The following PDLIM4 variants were observed in gnomAD, a reference collection of about 807,000 sequenced individuals.
PDLIM4 encodes the protein PDZ and LIM domain 4, also known as PDZ and LIM domain protein 4.
Under a neutral mutation model 31.3 loss-of-function variants are expected in PDLIM4, and 19 were observed. That is an observed-to-expected ratio of 0.61 (90% confidence interval 0.42 to 0.89). PDLIM4 has a LOEUF of 0.89. PDLIM4 is among the 40% of genes least tolerant of loss of function. The pLI is 0.00. For missense variants in PDLIM4, 442 were observed against 461.1 expected (o/e 0.96, Z 0.38); for synonymous variants, 176 against 190.1 (o/e 0.93, Z 0.61).
chr5:132,270,587 G>T, intron 3 of PDLIM4: 1 of 391,954 alleles, frequency 2.6e-6, no homozygotes, highest in Non-Finnish European at 4.7e-6. Context: ...TCTTGGGATA[G>T]GCCTGCCCCA....
Position 132,272,453 on chromosome 5 carries a change from C to T in PDLIM4, c.*224C>T. The T allele has an allele frequency of 1.7e-6, 1 of 577,464 alleles. No homozygotes were observed. 35.8% of individuals were successfully genotyped at this position (577,464 alleles called of 1,614,324 possible). On this transcript the variant is annotated 3_prime_UTR_variant, in exon 7 of 7. Coordinates refer to ENST00000253754, the MANE Select transcript of PDLIM4 (RefSeq NM_003687.4). Reference sequence around the variant, plus strand: ...GTGCAGTAGTGAGCAGGACGGGTACCATGCTGCCCTGAAGGGGGCCACAGC... The same window carrying T: ...GTGCAGTAGTGAGCAGGACGGGTACTATGCTGCCCTGAAGGGGGCCACAGC...
At position 132,257,948 on chromosome 5, in the gene PDLIM4, C is replaced by A; in HGVS notation, c.93+121C>A. 1 of 528,518 alleles carries A rather than the reference C, an allele frequency of 1.9e-6. No homozygotes were observed. Among genetic ancestry groups the A allele is most frequent in the Non-Finnish European group, 3.1e-6 (1 of 321,498 alleles). The allele number at this position is 528,518 out of a possible 1,614,324, so 32.7% of individuals were successfully genotyped here. A position where few individuals can be genotyped will look rare whatever the true frequency, so the allele number is the denominator to read the frequency against. On this transcript the variant is annotated intron_variant, in intron 1 of 6. Coordinates refer to ENST00000253754, the MANE Select transcript of PDLIM4 (RefSeq NM_003687.4). This position sits in a 1 kb window ranked among gnomAD's most constrained non-coding sequence, Gnocchi z 4.3. ...CTTGAAGGCGGAGGGTTGGCCTGGG[C>A]GCCCCGCATGCTGTAGAGGCGGCTT...
chr5:132,270,700 C>T (rs1756587868), intron 3 of PDLIM4, among the ~76,000 whole-genome samples: 3 of 152,224 alleles, frequency 2.0e-5, no homozygotes, highest in Admixed American at 1.3e-4. Context: ...TTTCCAAGGA[C>T]GTTTCTCATT....
Position 132,271,421 on chromosome 5 carries a change from G to C in PDLIM4, c.625G>C (p.Gly209Arg). ...EPVAAEPKQS[G>R]SFRYLQGMLE... The stretch of plus-strand genomic sequence containing the variant: ...CGTGGCCGCGGAGCCCAAGCAGTCA[G>C]GCTCCTTCCGCTACTTGCAGGGCAT... Residue 209 changes from glycine (G) to arginine (R), a missense_variant, in exon 5 of 7, where the codon GGC (glycine) becomes CGC (arginine). Physicochemically the swap from Gly to Arg is moderately radical, Grantham distance 125 (BLOSUM62 -2). Transcript: ENST00000253754. The C allele has an allele frequency of 6.2e-7, 1 of 1,609,104 alleles. No homozygotes were observed. The highest frequency in any genetic ancestry group is 8.5e-7 in the Non-Finnish European group (1 of 1,179,920).
chr5:132,264,261 C>T (rs910068157), intron 2 of PDLIM4, among the ~76,000 whole-genome samples: 5 of 152,098 alleles, frequency 3.3e-5, no homozygotes, highest in African/African-American at 4.8e-5. Flanking sequence ...TTCCCCAGTC[C>T]TTTGTTCCAA....
rs145687686 is a variant in PDLIM4 at position 132,271,403 on chromosome 5, G to A, written c.607G>A (p.Ala203Thr). The stretch of plus-strand genomic sequence containing the variant: ...GCGGGAGCCAGCCGAGCCCGTGGCC[G>A]CGGAGCCCAAGCAGTCAGGCTCCTT... Reference protein sequence around the residue: ...MLREPAEPVAAEPKQSGSFRY... With the variant: ...MLREPAEPVATEPKQSGSFRY... Residue 203 changes from alanine to threonine, a missense_variant, in exon 5 of 7, where the codon GCG (alanine) becomes ACG (threonine). Ala to Thr is a moderately conservative substitution (Grantham distance 58, BLOSUM62 0). Coordinates refer to ENST00000253754, the MANE Select transcript of PDLIM4 (RefSeq NM_003687.4). 4,770 of 1,608,444 alleles carry A rather than the reference G, an allele frequency of 3.0e-3. 9 individuals carry two copies. Among genetic ancestry groups the A allele is most frequent in the Non-Finnish European group, 3.5e-3 (4,098 of 1,179,872 alleles).
At position 132,266,669 on chromosome 5, in the gene PDLIM4, G is replaced by A; in HGVS notation, c.327+124G>A. ...CTCTCAGATACCCAAGACAGAGACT[G>A]AAGCAGAAGTTTTCTCTGGACCACA... On this transcript the variant is annotated intron_variant, in intron 3 of 6. Transcript: ENST00000253754. 5.0e-6 allele frequency: 3 copies of A among 599,900 alleles called. No homozygotes were observed. In the South Asian group the frequency reaches 7.2e-5, roughly 14 times the overall value. 37.2% of individuals were successfully genotyped at this position (599,900 alleles called of 1,614,324 possible). A position where few individuals can be genotyped will look rare whatever the true frequency, so the allele number is the denominator to read the frequency against.
chr5:132,260,828 C>T (rs948287867), intron 1 of PDLIM4, among the ~76,000 whole-genome samples: 1 of 152,204 alleles, frequency 6.6e-6, no homozygotes, highest in African/African-American at 2.4e-5. Context: ...TTCTTGGCCT[C>T]ACGCCCTCTC....
chr5:132,257,854 G>A lies in PDLIM4; in HGVS notation c.93+27G>A. ...TGAGTCTGGCGGCTGCGTGGCGGCA[G>A]GGCGGTCCCATGTCTGAGACCGGGT... is the stretch of plus-strand genomic sequence containing the variant. On this transcript the variant is annotated intron_variant, in intron 1 of 6. Coordinates refer to ENST00000253754, the MANE Select transcript of PDLIM4 (RefSeq NM_003687.4). The surrounding 1 kb of genome is among the most constrained non-coding windows in gnomAD (Gnocchi z 4.3). The A allele has an allele frequency of 7.4e-7, 1 of 1,349,748 alleles. No homozygotes were observed. Among genetic ancestry groups the A allele is most frequent in the South Asian group, 1.4e-5 (1 of 70,792 alleles). The allele number at this position is 1,349,748 out of a possible 1,614,324, so 83.6% of individuals were successfully genotyped here.
At chr5:132,271,703 G>A in intron 5 of PDLIM4, 88 bp from the exon 6 acceptor site, 1 of 1,066,932 alleles carries the variant, frequency 9.4e-7, no homozygotes, top group Non-Finnish European at 1.5e-6. Flanking sequence ...GGGTGCCGAT[G>A]GCCCGTCTGG....
intron 1 of PDLIM4, among the ~76,000 whole-genome samples, chr5:132,261,794 C>T (rs1756378718): frequency 6.6e-6 from 1 of 152,150 alleles, no homozygotes; most frequent in Non-Finnish European, 1.5e-5. Flanking sequence ...AATTCTGACC[C>T]CCAAACGCAG....
At position 132,271,306 on chromosome 5, in the gene PDLIM4, T is replaced by C; in HGVS notation, c.510T>C (p.Ala170=). 6.3e-7 allele frequency: 1 copy of C among 1,593,426 alleles called. No homozygotes were observed. Among genetic ancestry groups the C allele is most frequent in the Non-Finnish European group, 8.5e-7 (1 of 1,170,714 alleles). The change falls in exon 5 of 7, where the codon GCT becomes GCC. Residue 170 remains alanine, a synonymous_variant. Coordinates refer to ENST00000253754, the MANE Select transcript of PDLIM4 (RefSeq NM_003687.4). ...TCTATTTCTTTCTCCCTCCCAGCGC[T>C]GACCCAGCCAGAGGCCTCCCGCGGA... is the stretch of plus-strand genomic sequence containing the variant. ...STLHVSPPPS[A]DPARGLPRSR...
In PDLIM4 at chr5:132,257,965, A is replaced by T. The variant is rs1756281615; in HGVS notation, c.93+138A>T. Reference sequence around the variant, plus strand: ...GGCCTGGGCGCCCCGCATGCTGTAGAGGCGGCTTCCAGGCAGAGGCAGGCA... The same window carrying T: ...GGCCTGGGCGCCCCGCATGCTGTAGTGGCGGCTTCCAGGCAGAGGCAGGCA... On this transcript the variant is annotated intron_variant, in intron 1 of 6. Transcript: ENST00000253754. The surrounding 1 kb of genome is among the most constrained non-coding windows in gnomAD (Gnocchi z 4.3). 1 of 480,380 alleles carries T rather than the reference A, an allele frequency of 2.1e-6. No homozygotes were observed. The highest frequency in any genetic ancestry group is 3.6e-6 in the Non-Finnish European group (1 of 280,240). The allele number at this position is 480,380 out of a possible 1,614,324, so 29.8% of individuals were successfully genotyped here.
At chr5:132,260,475 C>T (rs995299886) in intron 1 of PDLIM4, among the ~76,000 whole-genome samples, 27 of 152,156 alleles carry the variant, frequency 1.8e-4, no homozygotes, top group Non-Finnish European at 3.2e-4. Context: ...TCTCTGACTT[C>T]ATCTCTCCCA....
chr5:132,272,717 G>T lies in PDLIM4; in HGVS notation c.*488G>T. 2 of 204,200 alleles carry T rather than the reference G, an allele frequency of 9.8e-6. No homozygotes were observed. The highest frequency in any genetic ancestry group is 1.1e-4 in the East Asian group (1 of 8,806). 12.6% of individuals were successfully genotyped at this position (204,200 alleles called of 1,614,324 possible). A position where few individuals can be genotyped will look rare whatever the true frequency, so the allele number is the denominator to read the frequency against. Reference sequence around the variant, plus strand: ...CCGTCATCGGCACTAGCGGGTTGGGGGTGGTGGTGGGGTGCTGGCAGCCTC... The same window carrying T: ...CCGTCATCGGCACTAGCGGGTTGGGTGTGGTGGTGGGGTGCTGGCAGCCTC... On this transcript the variant is annotated 3_prime_UTR_variant, in exon 7 of 7. Coordinates refer to ENST00000253754, the MANE Select transcript of PDLIM4 (RefSeq NM_003687.4).
chr5:132,272,254 C>T lies in PDLIM4; in HGVS notation c.*25C>T. The T allele has an allele frequency of 1.3e-6, 2 of 1,572,452 alleles. No individual in the cohort carries two copies. The highest frequency in any genetic ancestry group is 1.8e-6 in the Non-Finnish European group (2 of 1,142,624). On this transcript the variant is annotated 3_prime_UTR_variant, in exon 7 of 7. Transcript: ENST00000253754. ...AGCTGGGACCCTGCTCCCACGCCTG[C>T]TTCTTAAGGTCCCTGCTCGGCCGGT...
At chr5:132,264,591 C>CATCTCCAGCCA (rs1554080038) in intron 2 of PDLIM4, among the ~76,000 whole-genome samples, 1 of 152,020 alleles carries the variant, frequency 6.6e-6, no homozygotes, top group African/African-American at 2.4e-5. Flanking sequence ...CTGCAGCCCC[C>CATCTCCAGCCA]TCACACATGC....
Position 132,272,415 on chromosome 5 carries a change from T to G in PDLIM4, c.*186T>G. 1 of 621,844 alleles carries G rather than the reference T, an allele frequency of 1.6e-6. No homozygotes were observed. The highest frequency in any genetic ancestry group is 2.9e-6 in the Non-Finnish European group (1 of 344,602). The allele number at this position is 621,844 out of a possible 1,614,324, so 38.5% of individuals were successfully genotyped here. A position where few individuals can be genotyped will look rare whatever the true frequency, so the allele number is the denominator to read the frequency against. ...AGTATCTGCTTAGGTGCCAGGCATG[T>G]CCTAGGCTCTGGGTGCAGTAGTGAG... On this transcript the variant is annotated 3_prime_UTR_variant, in exon 7 of 7. Transcript: ENST00000253754.
chr5:132,263,105 A>G (rs1442723930), intron 2 of PDLIM4, among the ~76,000 whole-genome samples: 1 of 152,142 alleles, frequency 6.6e-6, no homozygotes, highest in Admixed American at 6.5e-5. Flanking sequence ...TGACCATTTC[A>G]AAGTAGTTTC....
Sources: allele counts gnomAD v4.1 joint callset (sites outside exome capture counted in the v4.1 genomes callset), GRCh38; gene constraint gnomAD v4.1.1; non-coding constraint Gnocchi (gnomAD v3.1); transcripts MANE v1.5; gene names NCBI Gene and HGNC (gene_info 2026-07-23, HGNC 2026-07-21).